The following BEND6 variants were observed in gnomAD, a reference collection of about 807,000 sequenced individuals.
BEND6 encodes BEN domain-containing protein 6.
In BEND6, 24 loss-of-function variants were observed where a neutral mutation model predicts 31.8. The observed-to-expected ratio is 0.75, with a 90% CI of 0.55 to 1.06. The LOEUF (loss-of-function observed/expected upper bound fraction) is 1.06. Among genes scored for constraint, BEND6 ranks in the 50% least tolerant of loss-of-function variants. The probability of loss-of-function intolerance (pLI) is 0.00; values close to 1 mark genes in which losing one functional copy is unlikely to be tolerated. For synonymous variants in BEND6, 109 were observed against 114.6 expected (o/e 0.95, Z 0.31); for missense variants, 294 against 327.4 (o/e 0.90, Z 0.79).
At chr6:57,017,868 C>T (rs1827617921) in intron 5 of BEND6, among the ~76,000 whole-genome samples, 1 of 152,156 alleles carries the variant, frequency 6.6e-6, no homozygotes, top group African/African-American at 2.4e-5. Flanking sequence ...TGAATCCTAG[C>T]TCTATATATG....
At chr6:56,994,243 A>C (rs1333183075) in intron 3 of BEND6, among the ~76,000 whole-genome samples, 1 of 151,882 alleles carries the variant, frequency 6.6e-6, no homozygotes, top group Non-Finnish European at 1.5e-5. Flanking sequence ...GTGGATCAAG[A>C]GGTCAGGAGA....
At chr6:56,994,612 T>C (rs1826635249) in intron 3 of BEND6, among the ~76,000 whole-genome samples, 1 of 151,992 alleles carries the variant, frequency 6.6e-6, no homozygotes, top group South Asian at 2.1e-4. Context: ...AGGAAGGCAA[T>C]ATATGATTTC....
chr6:57,004,620 A>G lies in BEND6; in HGVS notation c.299-10513A>G. 3 of 1,071,006 alleles carry G rather than the reference A, an allele frequency of 2.8e-6. No homozygotes were observed. The South Asian group carries it at 3.7e-5, about 13-fold the overall frequency. 66.3% of individuals were successfully genotyped at this position (1,071,006 alleles called of 1,614,324 possible). A position where few individuals can be genotyped will look rare whatever the true frequency, so the allele number is the denominator to read the frequency against. Reference sequence around the variant, plus strand: ...AACCTCCAGATCAACCTGGAGCTCTACCCCTCCTACGTGGGCTGAATGCAA... The same window carrying G: ...AACCTCCAGATCAACCTGGAGCTCTGCCCCTCCTACGTGGGCTGAATGCAA... On this transcript the variant is annotated intron_variant, in intron 3 of 6. Transcript: ENST00000370746.
chr6:56,998,883 C>T (rs984471718), intron 3 of BEND6, among the ~76,000 whole-genome samples: 1 of 152,136 alleles, frequency 6.6e-6, no homozygotes, highest in South Asian at 2.1e-4. Flanking sequence ...TGTTTGCAAA[C>T]TCTGCATCTG....
chr6:57,020,465 G>A (rs1022913930), intron 6 of BEND6, among the ~76,000 whole-genome samples: 1 of 151,956 alleles, frequency 6.6e-6, no homozygotes, highest in Non-Finnish European at 1.5e-5. Context: ...TTGTAGCCCA[G>A]GCTGTAGTTC....
chr6:57,011,746 GAAAAGAAAAGAAAAA>G (rs1827356069), intron 3 of BEND6, among the ~76,000 whole-genome samples: 2 of 131,528 alleles, frequency 1.5e-5, no homozygotes, highest in Non-Finnish European at 3.3e-5. Flanking sequence ...GAAAAAAAAA[GAAAAGAAAAGAAAAA>G]GAAAGAAAGA....
At chr6:56,956,208 G>A (rs1459511672) in intron 1 of BEND6, among the ~76,000 whole-genome samples, 1 of 152,352 alleles carries the variant, frequency 6.6e-6, no homozygotes, top group Middle Eastern at 3.4e-3. Flanking sequence ...TGCATTTGCG[G>A]AGTTTCTTAT....
chr6:57,016,257 A>G (rs1434190463), intron 4 of BEND6, among the ~76,000 whole-genome samples: 1 of 152,240 alleles, frequency 6.6e-6, no homozygotes, highest in Non-Finnish European at 1.5e-5. Flanking sequence ...ATAAATATTA[A>G]CTAACAATCT....
chr6:56,982,130 A>G (rs1826094313), intron 2 of BEND6, among the ~76,000 whole-genome samples, 200 bp downstream of exon 2: 1 of 152,118 alleles, frequency 6.6e-6, no homozygotes, highest in Non-Finnish European at 1.5e-5. Context: ...TGTGTTGCCC[A>G]GGCTGGTCTC....
intron 1 of BEND6, among the ~76,000 whole-genome samples, chr6:56,967,407 A>C (rs1825520877): frequency 6.6e-6 from 1 of 152,154 alleles, no homozygotes; most frequent in African/African-American, 2.4e-5. Context: ...TGAAATCTGA[A>C]GTGACCCCAC....
intron 6 of BEND6, among the ~76,000 whole-genome samples, chr6:57,023,174 T>G (rs1480513121): frequency 2.0e-5 from 3 of 152,210 alleles, no homozygotes; most frequent in African/African-American, 7.2e-5. Context: ...CAGTGTTTCC[T>G]TGTCAATTTT....
intron 2 of BEND6, among the ~76,000 whole-genome samples, chr6:56,990,281 C>T (rs536900669): frequency 8.8e-5 from 11 of 124,984 alleles, no homozygotes; most frequent in Admixed American, 6.1e-4. Flanking sequence ...GACAGGGTCT[C>T]GCTCTGTCTT....
intron 1 of BEND6, among the ~76,000 whole-genome samples, chr6:56,971,080 C>A (rs1216050587): frequency 6.6e-6 from 1 of 152,158 alleles, no homozygotes; most frequent in Non-Finnish European, 1.5e-5. Context: ...CTCCAGGATA[C>A]TTTTCATCTT....
At chr6:56,997,342 C>T (rs1018146977) in intron 3 of BEND6, among the ~76,000 whole-genome samples, 1 of 152,150 alleles carries the variant, frequency 6.6e-6, no homozygotes, top group East Asian at 1.9e-4. Context: ...TTATTCTCCT[C>T]CCCTGTTTTG....
intron 1 of BEND6, among the ~76,000 whole-genome samples, chr6:56,969,923 G>C (rs1192323025): frequency 6.6e-6 from 1 of 151,886 alleles, no homozygotes; most frequent in Non-Finnish European, 1.5e-5. Flanking sequence ...TGTTGCTTAG[G>C]ACATTATTTT....
intron 1 of BEND6, among the ~76,000 whole-genome samples, chr6:56,960,846 T>G (rs1313014258): frequency 6.6e-6 from 1 of 152,202 alleles, no homozygotes; most frequent in Non-Finnish European, 1.5e-5. Context: ...AAAGTACATC[T>G]TTAAAATGTT....
chr6:56,994,765 A>T (rs1188920016), intron 3 of BEND6, among the ~76,000 whole-genome samples: 2 of 152,156 alleles, frequency 1.3e-5, no homozygotes, highest in East Asian at 3.8e-4. Context: ...TCCCCCAAAA[A>T]ACTGTAGGCT....
intron 2 of BEND6, among the ~76,000 whole-genome samples, chr6:56,987,901 A>G (rs1217764166): frequency 6.6e-6 from 1 of 152,184 alleles, no homozygotes; most frequent in Non-Finnish European, 1.5e-5. Flanking sequence ...TTGTCTCAAC[A>G]CAGCTTGAAT....
At chr6:57,022,973 G>T (rs1827796377) in intron 6 of BEND6, among the ~76,000 whole-genome samples, 2 of 152,018 alleles carry the variant, frequency 1.3e-5, no homozygotes, top group African/African-American at 4.8e-5. Flanking sequence ...TCATTCCATG[G>T]TGGTCATAAA....
Sources: gnomAD v4.1 joint callset for allele counts (sites outside exome capture counted in the v4.1 genomes callset) on GRCh38, gnomAD v4.1.1 for gene constraint, MANE v1.5 for transcripts, NCBI Gene and HGNC (gene_info 2026-07-23, HGNC 2026-07-21) for gene names.